GARIN4: variants seen among roughly 807,000 people sequenced by gnomAD.
GARIN4 encodes the protein Golgi-associated RAB2 interactor protein 4.
the GARIN4 span, chr1:212,624,581 A>G: frequency 3.5e-6 from 1 of 282,450 alleles, no homozygotes; most frequent in Non-Finnish European, 6.6e-6. Flanking sequence ...TCAGGGGGTT[A>G]GGTCCAGAAG....
the GARIN4 span, chr1:212,625,383 A>G: frequency 1.9e-6 from 3 of 1,614,196 alleles, no homozygotes; most frequent in Non-Finnish European, 2.5e-6. Context: ...TATTGGGAAA[A>G]ACTAATTTAC....
chr1:212,625,355 C>G, the GARIN4 span: 224 of 1,614,132 alleles, frequency 1.4e-4, no homozygotes, highest in Non-Finnish European at 1.8e-4. Context: ...TCTTGACACA[C>G]GGGATGACCT....
chr1:212,626,647 C>A, the GARIN4 span: 1 of 1,601,122 alleles, frequency 6.2e-7, no homozygotes, highest in Non-Finnish European at 8.5e-7. Flanking sequence ...AGACAGTGAC[C>A]TTTGAAGCCC....
the GARIN4 span, chr1:212,624,667 C>G: frequency 8.4e-5 from 69 of 825,782 alleles, no homozygotes; most frequent in East Asian, 5.2e-4. Flanking sequence ...CAGCACCCCC[C>G]ACAGCAATCA....
At chr1:212,624,979 G>A in the GARIN4 span, 3 of 1,614,176 alleles carry the variant, frequency 1.9e-6, no homozygotes, top group East Asian at 4.5e-5. Context: ...AACTGTACAA[G>A]GGGGAGTACG....
the GARIN4 span, chr1:212,626,700 G>A: frequency 6.5e-7 from 1 of 1,539,220 alleles, no homozygotes; most frequent in Non-Finnish European, 8.7e-7. Context: ...GGAGCCCAGA[G>A]CTCATGGGAG....
chr1:212,626,329 C>T, the GARIN4 span: 1 of 1,614,226 alleles, frequency 6.2e-7, no homozygotes, highest in South Asian at 1.1e-5. Flanking sequence ...CGGGGAGCAG[C>T]AGGCACAGGG....
the GARIN4 span, chr1:212,626,709 AGT>A: frequency 6.5e-7 from 1 of 1,534,142 alleles, no homozygotes; most frequent in Non-Finnish European, 8.7e-7. Context: ...AGCTCATGGG[AGT>A]GTCCCTGGAA....
At chr1:212,626,543 A>T in the GARIN4 span, 1 of 1,614,158 alleles carries the variant, frequency 6.2e-7, no homozygotes, top group Non-Finnish European at 8.5e-7. Context: ...CATGGCTAAG[A>T]TGGCGGAGAG....
the GARIN4 span, chr1:212,624,921 G>C: frequency 2.5e-6 from 4 of 1,612,584 alleles, no homozygotes; most frequent in Non-Finnish European, 3.4e-6. Context: ...GCCCAGAGTG[G>C]CTCCAGCATG....
chr1:212,625,598 G>T, the GARIN4 span: 3 of 1,614,220 alleles, frequency 1.9e-6, no homozygotes, highest in South Asian at 3.3e-5. Flanking sequence ...TTATGCTGGA[G>T]GGGAGGGACT....
chr1:212,626,157 G>A, the GARIN4 span: 12 of 1,614,098 alleles, frequency 7.4e-6, no homozygotes, highest in African/African-American at 1.3e-5. Flanking sequence ...AGGGAAAGAA[G>A]GGAAAAGGAC....
chr1:212,626,680 A>T, the GARIN4 span: 1 of 1,571,904 alleles, frequency 6.4e-7, no homozygotes, highest in East Asian at 2.2e-5. Flanking sequence ...CCAGAGCTGG[A>T]AGCTGCAAAG....
chr1:212,625,301 A>T, the GARIN4 span: 1 of 1,614,216 alleles, frequency 6.2e-7, no homozygotes, highest in Non-Finnish European at 8.5e-7. Context: ...GCTGCGCCTG[A>T]AGTTCGCCAC....
At chr1:212,624,885 C>T in the GARIN4 span, 7 of 1,583,158 alleles carry the variant, frequency 4.4e-6, no homozygotes, top group Non-Finnish European at 6.0e-6. Context: ...ACCATGAATG[C>T]TGATTTTCTG....
chr1:212,626,482 CA>C, the GARIN4 span: 1 of 1,614,210 alleles, frequency 6.2e-7, no homozygotes, highest in Non-Finnish European at 8.5e-7. Context: ...ACGTCAGAGC[CA>C]ACCTTACTAC....
the GARIN4 span, chr1:212,624,925 C>T: frequency 1.2e-6 from 2 of 1,612,954 alleles, no homozygotes; most frequent in Admixed American, 1.7e-5. Flanking sequence ...AGAGTGGCTC[C>T]AGCATGAGCA....
At chr1:212,626,607 C>T in the GARIN4 span, 988,855 of 1,613,330 alleles carry the variant, frequency 0.61, 310,966 homozygotes, top group South Asian at 0.66. Context: ...GGGCTGGAGA[C>T]GGTTGGTTCT....
the GARIN4 span, chr1:212,626,746 C>T: frequency 1.3e-5 from 20 of 1,499,220 alleles, no homozygotes; most frequent in Non-Finnish European, 1.7e-5. Context: ...TTCTTTACTG[C>T]CGTTTAAATA....
Sources: allele counts gnomAD v4.1 joint callset, GRCh38; gene constraint gnomAD v4.1.1; transcripts MANE v1.5; gene names NCBI Gene and HGNC (gene_info 2026-07-23, HGNC 2026-07-21).